The following PARD6G variants were observed in gnomAD, a reference collection of about 807,000 sequenced individuals.
The protein encoded by PARD6G is partitioning defective 6 homolog gamma.
Under a neutral mutation model 10.7 loss-of-function variants are expected in PARD6G, and 7 were observed. The ratio of observed to expected loss-of-function variants is 0.66; its 90% CI spans 0.37 to 1.23. The LOEUF (loss-of-function observed/expected upper bound fraction) is 1.23, where lower values mean the gene tolerates loss of function less well. PARD6G is among the 50% of genes most tolerant of loss of function. The pLI is 0.02. For missense variants in PARD6G, 548 were observed against 571.8 expected, an observed-to-expected ratio of 0.96 and a Z score of 0.42; for synonymous variants, 287 against 269.4, an observed-to-expected ratio of 1.07 and a Z score of -0.64.
Position 80,200,490 on chromosome 18 carries a change from C to T in PARD6G, c.295+2220G>A, listed in dbSNP as rs527247470. 7.2e-5 allele frequency among the ~76,000 whole-genome samples: 11 copies of T among 152,138 alleles called. No individual in the cohort carries two copies. The highest frequency in any genetic ancestry group is 1.7e-4 in the African/African-American group (7 of 41,516). ...CTACCACCCGTGCCACAGATGAGGA[C>T]GGTAGAGCTCTGCGGGATGAGGCGT... On this transcript the variant is annotated intron_variant, in intron 2 of 2. Coordinates refer to ENST00000353265, the MANE Select transcript of PARD6G (RefSeq NM_032510.4). The surrounding 1 kb of genome is among the most constrained non-coding windows in gnomAD (Gnocchi z 4.4).
Position 80,177,972 on chromosome 18 carries a change from T to TACATACAC in PARD6G, c.296-17367_296-17366insGTGTATGT, listed in dbSNP as rs1555734939. On this transcript the variant is annotated intron_variant, in intron 2 of 2. Coordinates refer to ENST00000353265, the MANE Select transcript of PARD6G (RefSeq NM_032510.4). ...ACAGTCCAAATGGGAAGCGTGTGCA[T>TACATACAC]ACACACACACACACACACACACACA... 285 of 152,340 alleles carry TACATACAC rather than the reference T, an allele frequency of 1.9e-3. 4 individuals are homozygous for TACATACAC. The highest frequency in any genetic ancestry group is 8.3e-3 in the South Asian group (38 of 4,592). 9.4% of individuals were successfully genotyped at this position (152,340 alleles called of 1,614,324 possible). A position where few individuals can be genotyped will look rare whatever the true frequency, so the allele number is the denominator to read the frequency against.
intron 1 of PARD6G, among the ~76,000 whole-genome samples, chr18:80,220,754 G>A (rs1390357442): frequency 1.3e-5 from 2 of 151,968 alleles, no homozygotes; most frequent in African/African-American, 2.4e-5. Context: ...GGCATTACAG[G>A]TGCACACAAC....
At position 80,182,326 on chromosome 18, in the gene PARD6G, C is replaced by T. The variant is rs2052852448; in HGVS notation, c.295+20384G>A. On this transcript the variant is annotated intron_variant, in intron 2 of 2. Coordinates refer to ENST00000353265, the MANE Select transcript of PARD6G (RefSeq NM_032510.4). This position sits in a 1 kb window ranked among gnomAD's most constrained non-coding sequence, Gnocchi z 4.5. ...TGTGCCTGAAGGCAGCTCCTGCCCC[C>T]AGTATCCACAAGGAGGGACAAACTC... 6.6e-6 allele frequency among the ~76,000 whole-genome samples: 1 copy of T among 152,370 alleles called. No individual in the cohort carries two copies. Among genetic ancestry groups the T allele is most frequent in the Admixed American group, 6.5e-5 (1 of 15,304 alleles).
At chr18:80,224,013 G>A (rs1599872267) in intron 1 of PARD6G, among the ~76,000 whole-genome samples, 1 of 152,190 alleles carries the variant, frequency 6.6e-6, no homozygotes, top group Non-Finnish European at 1.5e-5. Context: ...ACAGAGGGCA[G>A]GCACTCCGAA....
chr18:80,192,044 C>T lies in PARD6G; in HGVS notation c.295+10666G>A, dbSNP rs993664143. 6.6e-6 allele frequency among the ~76,000 whole-genome samples: 1 copy of T among 152,176 alleles called. No homozygotes were observed. Among genetic ancestry groups the T allele is most frequent in the Non-Finnish European group, 1.5e-5 (1 of 68,034 alleles). On this transcript the variant is annotated intron_variant, in intron 2 of 2. Coordinates refer to ENST00000353265, the MANE Select transcript of PARD6G (RefSeq NM_032510.4). This position sits in a 1 kb window ranked among gnomAD's most constrained non-coding sequence, Gnocchi z 4.9. ...CCTTGATGATTCTGAACATCAAAAA[C>T]GTGTACTTTCATGTTTTCAATGTAC...
intron 2 of PARD6G, among the ~76,000 whole-genome samples, chr18:80,166,643 G>T (rs1334824172): frequency 6.6e-6 from 1 of 151,132 alleles, no homozygotes; most frequent in South Asian, 2.1e-4. Flanking sequence ...GACAAGCAGG[G>T]GAGGTACGTG....
intron 2 of PARD6G, chr18:80,178,007 G>A (rs1280252198): frequency 5.5e-5 from 6 of 109,354 alleles, no homozygotes; most frequent in East Asian, 2.7e-4. Flanking sequence ...ACACACAGAG[G>A]CATGGGATAA....
chr18:80,172,712 T>G (rs1232829222), intron 2 of PARD6G, among the ~76,000 whole-genome samples: 1 of 152,224 alleles, frequency 6.6e-6, no homozygotes, highest in African/African-American at 2.4e-5. Flanking sequence ...GACGTGAGTA[T>G]TCTTTACATA....
At chr18:80,226,628 G>A (rs1384126571) in intron 1 of PARD6G, among the ~76,000 whole-genome samples, 1 of 152,122 alleles carries the variant, frequency 6.6e-6, no homozygotes, top group Non-Finnish European at 1.5e-5. Context: ...TTTGCTGGAT[G>A]TTCCTAGTTC....
rs1258626496 is a variant in PARD6G, at chr18:80,181,617, C to A, written c.296-21011G>T. Among the ~76,000 whole-genome samples, 1 of 152,090 alleles carries A rather than the reference C, an allele frequency of 6.6e-6. No individual in the cohort carries two copies. Among genetic ancestry groups the A allele is most frequent in the Non-Finnish European group, 1.5e-5 (1 of 68,002 alleles). ...CCTCCCCTCTCCCAACAAGGAGGGT[C>A]TCCTCCCCATCCTCCCTCATCAGCG... On this transcript the variant is annotated intron_variant, in intron 2 of 2. Coordinates refer to ENST00000353265, the MANE Select transcript of PARD6G (RefSeq NM_032510.4). The surrounding 1 kb of genome is among the most constrained non-coding windows in gnomAD (Gnocchi z 7.9).
chr18:80,243,315 A>G (rs895630152), intron 1 of PARD6G, among the ~76,000 whole-genome samples: 9 of 152,256 alleles, frequency 5.9e-5, no homozygotes, highest in South Asian at 2.1e-4. Flanking sequence ...GCAATACATG[A>G]TAAGTTAGAG....
chr18:80,218,828 G>A (rs1393860514), intron 1 of PARD6G, among the ~76,000 whole-genome samples: 8 of 152,206 alleles, frequency 5.3e-5, no homozygotes, highest in Non-Finnish European at 7.3e-5. Context: ...AAATCTAGGC[G>A]GAGGTTCCCA....
Position 80,158,174 on chromosome 18 carries a change from G to A in PARD6G, c.*1597C>T, listed in dbSNP as rs936180781. The A allele has an allele frequency of 2.0e-5, 3 of 152,190 alleles. No individual in the cohort carries two copies. Among genetic ancestry groups the A allele is most frequent in the Non-Finnish European group, 4.4e-5 (3 of 68,026 alleles). The allele number at this position is 152,190 out of a possible 1,614,324, so 9.4% of individuals were successfully genotyped here. On this transcript the variant is annotated 3_prime_UTR_variant, in exon 3 of 3. Transcript: ENST00000353265. ...TAAAGTGAGGATGAATTTAGTATTT[G>A]TTAAAAATCACTAAGTTCCACGTGA...
chr18:80,159,011 C>T lies in PARD6G; in HGVS notation c.*760G>A, dbSNP rs2052675249. 6.7e-6 allele frequency: 1 copy of T among 149,814 alleles called. No homozygotes were observed. Among genetic ancestry groups the T allele is most frequent in the African/African-American group, 2.5e-5 (1 of 40,698 alleles). 9.3% of individuals were successfully genotyped at this position (149,814 alleles called of 1,614,324 possible). A position where few individuals can be genotyped will look rare whatever the true frequency, so the allele number is the denominator to read the frequency against. The stretch of plus-strand genomic sequence containing the variant: ...GGTGTATTTTTTTTTTTTCCCGAGA[C>T]AGAGTCTTGCTCTGTCACCCAGGCT... On this transcript the variant is annotated 3_prime_UTR_variant, in exon 3 of 3. Transcript: ENST00000353265.
intron 2 of PARD6G, among the ~76,000 whole-genome samples, chr18:80,176,911 A>ACACACATAC (rs2052811236): frequency 6.6e-6 from 1 of 151,202 alleles, no homozygotes; most frequent in Admixed American, 6.6e-5. Context: ...ACACATACAC[A>ACACACATAC]CACAGGATAA....
Position 80,159,826 on chromosome 18 carries a change from C to T in PARD6G, c.1076G>A (p.Ser359Asn), listed in dbSNP as rs1189981653. ...CACGCCGCCTGGCGGCAGCGCCAGG[C>T]TGTGACGGGGGTCGGCCCGCAGGGA... ...LSSLRADPRH[S>N]LALPPGGVEE... The change falls in exon 3 of 3, where the codon AGC (serine) becomes AAC (asparagine). Residue 359 changes from serine to asparagine, a missense_variant. This residue lies in a region of PARD6G where 313 missense variants were observed against 279.9 expected (regional missense o/e 1.12). Transcript: ENST00000353265. 1.3e-6 allele frequency: 2 copies of T among 1,487,414 alleles called. No individual in the cohort carries two copies. The highest frequency in any genetic ancestry group is 2.6e-5 in the South Asian group (2 of 75,712). 92.1% of individuals were successfully genotyped at this position (1,487,414 alleles called of 1,614,324 possible). A position where few individuals can be genotyped will look rare whatever the true frequency, so the allele number is the denominator to read the frequency against.
At chr18:80,167,959 A>C (rs1337163710) in intron 2 of PARD6G, among the ~76,000 whole-genome samples, 1 of 152,168 alleles carries the variant, frequency 6.6e-6, no homozygotes, top group Non-Finnish European at 1.5e-5. Flanking sequence ...ACACGTTCAT[A>C]GGCAGGGGGC....
At chr18:80,212,166 G>A (rs904047645) in intron 1 of PARD6G, among the ~76,000 whole-genome samples, 4 of 152,128 alleles carry the variant, frequency 2.6e-5, no homozygotes, top group African/African-American at 9.7e-5. Flanking sequence ...CCAAAGATGT[G>A]CACATTAGGT....
At chr18:80,225,865 G>A (rs564166117) in intron 1 of PARD6G, among the ~76,000 whole-genome samples, 4 of 152,204 alleles carry the variant, frequency 2.6e-5, no homozygotes, top group South Asian at 4.1e-4. Flanking sequence ...AGGACAAGGA[G>A]ATCAGAGCAC....
Sources: gnomAD v4.1 joint callset for allele counts (sites outside exome capture counted in the v4.1 genomes callset) on GRCh38, gnomAD v4.1.1 for gene constraint, gnomAD v4.1.1 regional missense constraint, Gnocchi (gnomAD v3.1) non-coding constraint, MANE v1.5 for transcripts, NCBI Gene and HGNC (gene_info 2026-07-23, HGNC 2026-07-21) for gene names.